Variants in SUSD3 observed in about 807,000 individuals in gnomAD.
SUSD3 encodes sushi domain-containing protein 3.
SUSD3 carries 18 observed loss-of-function variants against 20.6 expected under a neutral mutation model. The ratio of observed to expected loss-of-function variants is 0.87; its 90% CI spans 0.60 to 1.30. The LOEUF (loss-of-function observed/expected upper bound fraction) is 1.30, where lower values mean the gene tolerates loss of function less well. Among genes scored for constraint, SUSD3 ranks in the 50% most tolerant of loss-of-function variants. SUSD3 has a pLI of 0.00. For synonymous variants in SUSD3, 137 were observed against 141.5 expected, an observed-to-expected ratio of 0.97 and a Z score of 0.23; for missense variants, 306 against 346.9, an observed-to-expected ratio of 0.88 and a Z score of 0.94.
intron 1 of SUSD3, chr9:93,069,113 G>A (rs1302098555): frequency 4.3e-6 from 3 of 702,602 alleles, no homozygotes; most frequent in Non-Finnish European, 7.8e-6. Flanking sequence ...AAAAACATAG[G>A]CCTTGTGATG....
chr9:93,078,491 C>T (rs927395832), intron 3 of SUSD3, among the ~76,000 whole-genome samples: 1 of 152,188 alleles, frequency 6.6e-6, no homozygotes, highest in Non-Finnish European at 1.5e-5. Context: ...AACTCCTGAC[C>T]TCTGGTGATC....
At chr9:93,076,093 G>A (rs2118976580) in intron 2 of SUSD3, 121 bp downstream of exon 2, 1 of 841,838 alleles carries the variant, frequency 1.2e-6, no homozygotes, top group Non-Finnish European at 1.8e-6. Context: ...AGGCCAGTGT[G>A]TAGGGTCCCA....
chr9:93,063,311 G>A (rs1825579251), intron 1 of SUSD3, among the ~76,000 whole-genome samples: 1 of 152,192 alleles, frequency 6.6e-6, no homozygotes, highest in African/African-American at 2.4e-5. Context: ...GTGATCCTGT[G>A]CACCAGATCC....
chr9:93,076,571 T>C (rs921434223), intron 2 of SUSD3, among the ~76,000 whole-genome samples: 21 of 152,332 alleles, frequency 1.4e-4, no homozygotes, highest in Admixed American at 1.2e-3. Context: ...TATGTTCATG[T>C]GTTTTGTGCA....
intron 1 of SUSD3, among the ~76,000 whole-genome samples, chr9:93,066,794 C>T (rs1044775289): frequency 3.9e-5 from 6 of 152,032 alleles, no homozygotes; most frequent in East Asian, 3.9e-4. Context: ...CTGCAACCTC[C>T]GCCTCCCGGG....
chr9:93,063,269 T>C (rs551120853), intron 1 of SUSD3, among the ~76,000 whole-genome samples: 11 of 152,284 alleles, frequency 7.2e-5, no homozygotes, highest in Middle Eastern at 3.4e-3. Flanking sequence ...GTAGGGCTCA[T>C]GTCCTGGGCT....
At chr9:93,059,267 C>T (rs2118889887) in intron 1 of SUSD3, among the ~76,000 whole-genome samples, 1 of 152,268 alleles carries the variant, frequency 6.6e-6, no homozygotes, top group East Asian at 1.9e-4. Context: ...GTCATCTTCA[C>T]GATTCCTTGG....
At chr9:93,080,250 C>T (rs746396257) in intron 4 of SUSD3, among the ~76,000 whole-genome samples, 3 of 133,790 alleles carry the variant, frequency 2.2e-5, no homozygotes, top group Non-Finnish European at 1.5e-5. Context: ...ACCCAGGAGG[C>T]GGAGCTTGTA....
chr9:93,071,206 A>G (rs575968662), intron 1 of SUSD3, among the ~76,000 whole-genome samples: 4 of 152,346 alleles, frequency 2.6e-5, no homozygotes, highest in African/African-American at 9.6e-5. Context: ...GGAGTTTATT[A>G]AGGAGTATTG....
At chr9:93,059,604 C>G (rs1435952462) in intron 1 of SUSD3, among the ~76,000 whole-genome samples, 1 of 152,136 alleles carries the variant, frequency 6.6e-6, no homozygotes, top group Non-Finnish European at 1.5e-5. Flanking sequence ...AGCTTACTTC[C>G]GCGGCCACTG....
chr9:93,082,550 C>T (rs1826460172), intron 4 of SUSD3, among the ~76,000 whole-genome samples: 1 of 152,156 alleles, frequency 6.6e-6, no homozygotes, highest in Non-Finnish European at 1.5e-5. Flanking sequence ...ATCTCCTCAC[C>T]TCGTGATCTG....
intron 1 of SUSD3, among the ~76,000 whole-genome samples, chr9:93,061,887 T>C (rs996638846): frequency 3.9e-5 from 6 of 152,224 alleles, no homozygotes; most frequent in Non-Finnish European, 8.8e-5. Context: ...AGCCTGCCTC[T>C]GTCACTCTCT....
At chr9:93,069,436 A>G (rs1352291455) in intron 1 of SUSD3, among the ~76,000 whole-genome samples, 1 of 152,256 alleles carries the variant, frequency 6.6e-6, no homozygotes, top group African/African-American at 2.4e-5. Flanking sequence ...TCGTAACAAT[A>G]TTAAGTCTTC....
At chr9:93,072,854 G>A (rs925047326) in intron 1 of SUSD3, among the ~76,000 whole-genome samples, 1 of 152,200 alleles carries the variant, frequency 6.6e-6, no homozygotes, top group African/African-American at 2.4e-5. Flanking sequence ...CTGAAGGATG[G>A]AGGGACTGCT....
Position 93,077,963 on chromosome 9 carries a change from TGAA to T in SUSD3, c.401_403del (p.Lys134del), listed in dbSNP as rs1826237277. The T allele has an allele frequency of 6.2e-7, 1 of 1,614,108 alleles. No homozygotes were observed. Among genetic ancestry groups the T allele is most frequent in the African/African-American group, 1.3e-5 (1 of 74,938 alleles). On this transcript the variant is annotated inframe_deletion, in exon 3 of 5. Transcript: ENST00000375472. ...CTCACCTGCTGCCTCCTCAAGTGCG[TGAA>T]GAAGAGCAAGCGGCGGCGCTCCAAC...
chr9:93,080,805 T>G (rs938723720), intron 4 of SUSD3, among the ~76,000 whole-genome samples: 5 of 152,242 alleles, frequency 3.3e-5, no homozygotes, highest in African/African-American at 1.2e-4. Context: ...AATGGTGACT[T>G]TGTTAATTCT....
rs766505876 is a variant in SUSD3 at position 93,075,736 on chromosome 9, G to GCCCC, written c.89-45_89-44insCCCC. The GCCCC allele has an allele frequency of 1.6e-4, 43 of 272,386 alleles. 1 individual carries two copies. Among genetic ancestry groups the GCCCC allele is most frequent in the Admixed American group, 3.9e-4 (5 of 12,962 alleles). 16.9% of individuals were successfully genotyped at this position (272,386 alleles called of 1,614,324 possible). A position where few individuals can be genotyped will look rare whatever the true frequency, so the allele number is the denominator to read the frequency against. ...GGTCCTGCCCAGCCCTGCCCTGCGT[G>GCCCC]CCCACCCCCCCCCCCCCGCCATGCC... On this transcript the variant is annotated intron_variant, in intron 1 of 4. Coordinates refer to ENST00000375472, the MANE Select transcript of SUSD3 (RefSeq NM_145006.4).
At chr9:93,077,259 G>A (rs1468304239) in intron 2 of SUSD3, among the ~76,000 whole-genome samples, 2 of 151,996 alleles carry the variant, frequency 1.3e-5, no homozygotes, top group East Asian at 1.9e-4. Context: ...AGGCATGTAG[G>A]CCCCCTGAAG....
At chr9:93,068,979 A>G in intron 1 of SUSD3, 1 of 567,208 alleles carries the variant, frequency 1.8e-6, no homozygotes. Context: ...TTATAACAAT[A>G]TATTATAATA....
Sources: allele counts gnomAD v4.1 joint callset (sites outside exome capture counted in the v4.1 genomes callset), GRCh38; gene constraint gnomAD v4.1.1; transcripts MANE v1.5; gene names NCBI Gene and HGNC (gene_info 2026-07-23, HGNC 2026-07-21).